PCDH11X: variants seen among roughly 807,000 people sequenced by gnomAD.
PCDH11X encodes the protein protocadherin-11 X-linked.
A neutral mutation model predicts 53.3 loss-of-function variants in PCDH11X; 18 were observed. The ratio of observed to expected loss-of-function variants is 0.34; its 90% CI spans 0.23 to 0.50. The LOEUF (loss-of-function observed/expected upper bound fraction) is 0.50. PCDH11X is among the 20% of genes least tolerant of loss of function. The probability of loss-of-function intolerance (pLI) is 0.98; values close to 1 mark genes in which losing one functional copy is unlikely to be tolerated. For synonymous variants in PCDH11X, 279 were observed against 393.3 expected, an observed-to-expected ratio of 0.71 and a Z score of 3.44; for missense variants, 570 against 1,032.4, an observed-to-expected ratio of 0.55 and a Z score of 6.14.
intron 5 of PCDH11X, among the ~76,000 whole-genome samples, chrX:91,859,050 GA>G (rs1401630546): frequency 9.3e-6 from 1 of 107,981 alleles, no homozygotes; most frequent in African/African-American, 3.4e-5. Context: ...AATTTATAAA[GA>G]AAAAGAGGTT....
intron 6 of PCDH11X, chrX:91,983,353 G>A (rs2062174603): frequency 1.8e-6 from 2 of 1,108,446 alleles, no homozygotes; most frequent in Admixed American, 4.4e-5. Flanking sequence ...TCACTTTGGT[G>A]GTCTCAGTAT....
intron 6 of PCDH11X, among the ~76,000 whole-genome samples, chrX:91,972,389 T>G (rs1209236775): frequency 1.1e-5 from 1 of 89,024 alleles, no homozygotes; most frequent in African/African-American, 4.2e-5. Flanking sequence ...TTTCTCCCAT[T>G]TTGTAGGTTG....
chrX:92,158,692 G>A (rs1019373917), intron 6 of PCDH11X, among the ~76,000 whole-genome samples: 2 of 110,571 alleles, frequency 1.8e-5, no homozygotes, highest in Non-Finnish European at 3.8e-5. Context: ...CTGGAGTTCA[G>A]TGGCGGGATC....
intron 6 of PCDH11X, among the ~76,000 whole-genome samples, chrX:92,021,175 T>C (rs2062878673): frequency 9.0e-6 from 1 of 111,222 alleles, no homozygotes; most frequent in Non-Finnish European, 1.9e-5. Flanking sequence ...CAGAACTGAT[T>C]GGAGGATGAG....
At chrX:92,573,349 G>A (rs1248808892) in intron 10 of PCDH11X, among the ~76,000 whole-genome samples, 5 of 111,442 alleles carry the variant, frequency 4.5e-5, no homozygotes. Flanking sequence ...TTATTGAACA[G>A]TCCATAATAA....
chrX:92,527,038 C>A (rs1308960863), intron 10 of PCDH11X, among the ~76,000 whole-genome samples: 1 of 111,436 alleles, frequency 9.0e-6, no homozygotes, highest in Non-Finnish European at 1.9e-5. Flanking sequence ...ATTGCATGTT[C>A]CCACTTTTTT....
rs182384923 is a variant in PCDH11X, at chrX:91,953,002, A to C, written c.3033+73729A>C. The stretch of plus-strand genomic sequence containing the variant: ...TTTGTGGGATCTAAAAGTCAAATCA[A>C]TTGAACTCATGGACTTGGAGAGTAG... On this transcript the variant is annotated intron_variant, in intron 6 of 10. Coordinates refer to ENST00000682573, the MANE Select transcript of PCDH11X (RefSeq NM_032968.5). Among the ~76,000 whole-genome samples the C allele has an allele frequency of 2.5e-3, 273 of 110,591 alleles. 2 individuals carry two copies. The highest frequency in any genetic ancestry group is 0.014 in the Middle Eastern group (3 of 213).
chrX:92,210,397 C>T, intron 7 of PCDH11X, among the ~76,000 whole-genome samples: 1 of 100,420 alleles, frequency 1.0e-5, no homozygotes, highest in Non-Finnish European at 2.1e-5. Context: ...CACCACCATG[C>T]CTGGCTAATT....
rs10574612 is a variant in PCDH11X, at chrX:92,464,232, CTGTT to C, written c.3344-4063_3344-4060del. The stretch of plus-strand genomic sequence containing the variant: ...TTATGTTAATCACATTGCAGCTTCT[CTGTT>C]TGTAGCTCATATGGTTTGGCTGTGT... On this transcript the variant is annotated intron_variant, in intron 9 of 10. Coordinates refer to ENST00000682573, the MANE Select transcript of PCDH11X (RefSeq NM_032968.5). Among the ~76,000 whole-genome samples, 1,016 of 111,116 alleles carry C rather than the reference CTGTT, an allele frequency of 9.1e-3. 11 individuals are homozygous for C. Among genetic ancestry groups the C allele is most frequent in the African/African-American group, 0.032 (970 of 30,577 alleles).
At chrX:92,108,676 A>G (rs2064437277) in intron 6 of PCDH11X, among the ~76,000 whole-genome samples, 1 of 111,814 alleles carries the variant, frequency 8.9e-6, no homozygotes, top group South Asian at 3.7e-4. Context: ...TAGAATTCCA[A>G]TAATGCATCC....
chrX:92,582,431 C>T (rs1348184772), intron 10 of PCDH11X, among the ~76,000 whole-genome samples: 1 of 110,517 alleles, frequency 9.0e-6, no homozygotes. Context: ...AGCCCCAAGC[C>T]TTGGCAGCTT....
chrX:91,802,025 A>G (rs1206362746), intron 1 of PCDH11X, among the ~76,000 whole-genome samples: 2 of 113,505 alleles, frequency 1.8e-5, no homozygotes, highest in Non-Finnish European at 3.7e-5. Flanking sequence ...CCCTTACGGC[A>G]AGTGGGGCAG....
At chrX:91,784,794 C>T (rs1786409965) in intron 1 of PCDH11X, among the ~76,000 whole-genome samples, 1 of 111,077 alleles carries the variant, frequency 9.0e-6, no homozygotes, top group Non-Finnish European at 1.9e-5. Context: ...TCATTTCCCC[C>T]TTTTACATCC....
intron 6 of PCDH11X, among the ~76,000 whole-genome samples, chrX:92,180,090 T>C (rs1490854456): frequency 1.8e-5 from 2 of 112,339 alleles, no homozygotes; most frequent in Non-Finnish European, 3.8e-5. Flanking sequence ...ACAGGAAGCA[T>C]GGCTGAAAAG....
At chrX:92,489,810 T>C (rs1036337989) in intron 10 of PCDH11X, among the ~76,000 whole-genome samples, 5 of 104,487 alleles carry the variant, frequency 4.8e-5, no homozygotes, top group East Asian at 2.9e-4. Flanking sequence ...TACTTACACA[T>C]ATATATATAT....
chrX:91,920,748 C>A (rs891047946), intron 6 of PCDH11X, among the ~76,000 whole-genome samples: 1 of 110,518 alleles, frequency 9.0e-6, no homozygotes, highest in Non-Finnish European at 1.9e-5. Context: ...AAAAATCCCT[C>A]TATTTTTTCT....
chrX:92,001,233 A>G (rs2062503564), intron 6 of PCDH11X, among the ~76,000 whole-genome samples: 1 of 111,252 alleles, frequency 9.0e-6, no homozygotes, highest in African/African-American at 3.3e-5. Flanking sequence ...CATCCTCCCC[A>G]GCATTTGTTA....
chrX:91,934,489 C>T (rs1164415683), intron 6 of PCDH11X, among the ~76,000 whole-genome samples: 5 of 110,714 alleles, frequency 4.5e-5, no homozygotes, highest in Non-Finnish European at 7.6e-5. Flanking sequence ...CACAACACTC[C>T]GCTGTTAACT....
chrX:92,088,418 T>A (rs1397781067), intron 6 of PCDH11X, among the ~76,000 whole-genome samples: 1 of 111,144 alleles, frequency 9.0e-6, no homozygotes, highest in Non-Finnish European at 1.9e-5. Flanking sequence ...TGTATCCATG[T>A]CCTGGGAAAT....
Sources: allele counts gnomAD v4.1 joint callset (sites outside exome capture counted in the v4.1 genomes callset), GRCh38; gene constraint gnomAD v4.1.1; transcripts MANE v1.5; gene names NCBI Gene and HGNC (gene_info 2026-07-23, HGNC 2026-07-21).